Variants in ALDH1A1 observed in about 807,000 individuals in gnomAD.
The protein encoded by ALDH1A1 is aldehyde dehydrogenase 1 family member A1.
In ALDH1A1, 19 loss-of-function variants were observed where a neutral mutation model predicts 62.1. The observed-to-expected ratio is 0.31, with a 90% CI of 0.21 to 0.45. The LOEUF is 0.45. Ranked by LOEUF, ALDH1A1 falls within the 20% of genes least tolerant of loss-of-function variation. ALDH1A1 has a pLI of 1.00. For missense variants in ALDH1A1, 521 were observed against 607.1 expected (o/e 0.86, Z 1.49); for synonymous variants, 231 against 215.9 (o/e 1.07, Z -0.61).
At chr9:72,908,568 A>AAAAGAAAG (rs1829924876) in intron 11 of ALDH1A1, among the ~76,000 whole-genome samples, 3 of 49,934 alleles carry the variant, frequency 6.0e-5, no homozygotes, top group African/African-American at 1.1e-4. Context: ...AGAAAGAAAG[A>AAAAGAAAG]AAGAAAGAAA....
At chr9:72,927,490 T>G (rs745657121) in intron 4 of ALDH1A1, among the ~76,000 whole-genome samples, 4 of 152,142 alleles carry the variant, frequency 2.6e-5, no homozygotes, top group Admixed American at 6.5e-5. Context: ...TTGGCAAAAA[T>G]CTGAAAGATA....
chr9:72,928,990 T>C lies in ALDH1A1; in HGVS notation c.344A>G (p.Tyr115Cys), dbSNP rs745404755. Residue 115 changes from tyrosine (Y) to cysteine (C), a missense_variant, in exon 4 of 13, where the codon TAT becomes TGT. Physicochemically the swap from Tyr to Cys is radical, Grantham distance 194. Coordinates refer to ENST00000297785, the MANE Select transcript of ALDH1A1 (RefSeq NM_000689.5). ...TMESMNGGKLYSNAYLNDLAG... is the reference protein window; with the variant it reads ...TMESMNGGKLCSNAYLNDLAG... ...TAAATCATTCAGATATGCATTGGAA[T>C]AGAGTTTTCCACCATTCATTGACTC... 4.3e-6 allele frequency: 7 copies of C among 1,613,818 alleles called. No individual in the cohort carries two copies. The East Asian group carries it at 1.3e-4, about 31-fold the overall frequency.
intron 12 of ALDH1A1, among the ~76,000 whole-genome samples, chr9:72,903,298 C>T (rs1050850116): frequency 2.0e-5 from 3 of 152,024 alleles, no homozygotes; most frequent in African/African-American, 7.2e-5. Flanking sequence ...TGTCTTTTAA[C>T]TAATCCCAGA....
At chr9:72,932,416 C>CA (rs1308975235) in intron 2 of ALDH1A1, among the ~76,000 whole-genome samples, 3 of 151,976 alleles carry the variant, frequency 2.0e-5, no homozygotes, top group East Asian at 1.9e-4. Flanking sequence ...AATTAAAATA[C>CA]AAAAAAACTA....
chr9:72,923,119 CAA>C (rs886839219), intron 7 of ALDH1A1, among the ~76,000 whole-genome samples: 5 of 152,154 alleles, frequency 3.3e-5, no homozygotes, highest in African/African-American at 1.2e-4. Context: ...AACAATTCCT[CAA>C]AACCCAGAGC....
intron 1 of ALDH1A1, among the ~76,000 whole-genome samples, chr9:72,947,927 C>T (rs1299115599): frequency 6.6e-6 from 1 of 151,858 alleles, no homozygotes; most frequent in Non-Finnish European, 1.5e-5. Context: ...ATATAACTTA[C>T]ATTGAGAACA....
intron 11 of ALDH1A1, among the ~76,000 whole-genome samples, chr9:72,908,587 GAAAGAAAGAAAGAAAGAAA>G (rs1829928843): frequency 7.3e-6 from 1 of 136,560 alleles, no homozygotes; most frequent in Non-Finnish European, 1.6e-5. Flanking sequence ...AAGAAAGAAA[GAAAGAAAGAAAGAAAGAAA>G]GAAAGAAAGA....
At chr9:72,924,236 C>T (rs1172513907) in intron 6 of ALDH1A1, 104 bp from the exon 7 acceptor site, 2 of 709,770 alleles carry the variant, frequency 2.8e-6, no homozygotes, top group Non-Finnish European at 4.6e-6. Flanking sequence ...ATGAGATGCT[C>T]TAGAAAAAAA....
At chr9:72,908,516 AAAG>A (rs1829913711) in intron 11 of ALDH1A1, among the ~76,000 whole-genome samples, 2 of 138,660 alleles carry the variant, frequency 1.4e-5, no homozygotes, top group East Asian at 2.0e-4. Context: ...CGAAAGAAAG[AAAG>A]AAAGAAAGAA....
intron 2 of ALDH1A1, among the ~76,000 whole-genome samples, chr9:72,937,963 C>T (rs1043064437): frequency 2.0e-5 from 3 of 152,142 alleles, no homozygotes; most frequent in African/African-American, 7.2e-5. Flanking sequence ...CTTGAGACTT[C>T]GGTCTTACTT....
chr9:72,927,036 G>C, intron 5 of ALDH1A1, 80 bp downstream of exon 5: 1 of 1,042,316 alleles, frequency 9.6e-7, no homozygotes. Flanking sequence ...GCATCCATCT[G>C]TTTTAGAGAA....
Position 72,916,900 on chromosome 9 carries a change from C to A in ALDH1A1, c.1035+20G>T. 1 of 1,559,416 alleles carries A rather than the reference C, an allele frequency of 6.4e-7. No homozygotes were observed. The highest frequency in any genetic ancestry group is 8.7e-7 in the Non-Finnish European group (1 of 1,150,860). Reference sequence around the variant, plus strand: ...TATTCCTGTGCCCTGAAAATGCTATCCTTTCTATTTTATACTTACCTGAGG... The same window carrying A: ...TATTCCTGTGCCCTGAAAATGCTATACTTTCTATTTTATACTTACCTGAGG... On this transcript the variant is annotated intron_variant, in intron 9 of 12. Coordinates refer to ENST00000297785, the MANE Select transcript of ALDH1A1 (RefSeq NM_000689.5).
chr9:72,937,945 T>A (rs1258675545), intron 2 of ALDH1A1, among the ~76,000 whole-genome samples: 1 of 152,188 alleles, frequency 6.6e-6, no homozygotes, highest in Non-Finnish European at 1.5e-5. Context: ...AACTCCGTAC[T>A]CCTGTGGCTT....
chr9:72,912,051 T>C lies in ALDH1A1; in HGVS notation c.1107A>G (p.Glu369=), dbSNP rs775994786. ...TATTCCCCCACGGGCCTCCTCCACA[T>C]TCCAGTTTGGCCCCTTCTTTCTTCC... ...ESGKKEGAKL[E]CGGGPWGNKG... The change falls in exon 10 of 13, where the codon GAA becomes GAG. Residue 369 remains glutamate (E), a synonymous_variant. Transcript: ENST00000297785. The C allele has an allele frequency of 8.7e-6, 14 of 1,613,922 alleles. No individual in the cohort carries two copies. In the South Asian group the frequency reaches 1.2e-4, roughly 14 times the overall value.
At chr9:72,941,098 T>C (rs986386565) in intron 1 of ALDH1A1, among the ~76,000 whole-genome samples, 1 of 152,178 alleles carries the variant, frequency 6.6e-6, no homozygotes, top group Non-Finnish European at 1.5e-5. Flanking sequence ...GTATATAACT[T>C]TCTGTTAGAC....
At chr9:72,915,618 TAAAAC>T in intron 9 of ALDH1A1, among the ~76,000 whole-genome samples, 1 of 152,308 alleles carries the variant, frequency 6.6e-6, no homozygotes, top group Non-Finnish European at 1.5e-5. Context: ...GGGATTAAGA[TAAAAC>T]AAAGTATTAC....
chr9:72,948,392 G>A (rs147589314), intron 1 of ALDH1A1, among the ~76,000 whole-genome samples: 1 of 151,884 alleles, frequency 6.6e-6, no homozygotes, highest in African/African-American at 2.4e-5. Flanking sequence ...TCCGCCAGCC[G>A]ATCTGGCCCC....
chr9:72,934,771 T>C (rs538891776), intron 2 of ALDH1A1, among the ~76,000 whole-genome samples: 1 of 152,338 alleles, frequency 6.6e-6, no homozygotes, highest in East Asian at 1.9e-4. Context: ...TAGTTACTAT[T>C]ACTATTAAGT....
intron 1 of ALDH1A1, among the ~76,000 whole-genome samples, chr9:72,948,542 G>T (rs865983049): frequency 6.6e-6 from 1 of 151,842 alleles, no homozygotes; most frequent in East Asian, 1.9e-4. Context: ...CTGGATCTTT[G>T]TTCTTCCCTA....
Sources: allele counts gnomAD v4.1 joint callset (sites outside exome capture counted in the v4.1 genomes callset), GRCh38; gene constraint gnomAD v4.1.1; transcripts MANE v1.5; gene names NCBI Gene and HGNC (gene_info 2026-07-23, HGNC 2026-07-21).